CATSPER2: variants seen among roughly 807,000 people sequenced by gnomAD.
The protein encoded by CATSPER2 is cation channel sperm associated 2.
A neutral mutation model predicts 68.8 loss-of-function variants in CATSPER2; 56 were observed. The observed-to-expected ratio is 0.81, with a 90% confidence interval of 0.66 to 1.02. The LOEUF is 1.02. Among genes scored for constraint, CATSPER2 ranks in the 50% least tolerant of loss-of-function variants. CATSPER2 has a pLI of 0.00. For synonymous variants in CATSPER2, 198 were observed against 229.9 expected (o/e 0.86, Z 1.26); for missense variants, 582 against 642.0 (o/e 0.91, Z 1.01).
In CATSPER2 at chr15:43,636,105, G is replaced by C; in HGVS notation, c.957C>G (p.Ile319Met). The change falls in exon 8 of 13, where the codon ATC becomes ATG. Residue 319 changes from isoleucine to methionine, a missense_variant. This residue lies in a region of CATSPER2 where 235 missense variants were observed against 264.2 expected (regional missense o/e 0.89). Transcript: ENST00000396879. Reference protein sequence around the residue: ...VPEVSRIFSSIYFILWLLLGS... With the variant: ...VPEVSRIFSSMYFILWLLLGS... ...CAAGCAACAACCAAAGGATGAAATA[G>C]ATGCTGCTGAAGATGCGACTGACTT... The C allele has an allele frequency of 1.3e-6, 2 of 1,599,716 alleles. No individual in the cohort carries two copies. Among genetic ancestry groups the C allele is most frequent in the Non-Finnish European group, 1.7e-6 (2 of 1,169,122 alleles).
intron 4 of CATSPER2, among the ~76,000 whole-genome samples, chr15:43,640,858 T>C (rs1342058824): frequency 6.6e-6 from 1 of 151,658 alleles, no homozygotes; most frequent in Non-Finnish European, 1.5e-5. Context: ...AGTCCCAAAG[T>C]TCACAAGAAA....
At chr15:43,631,663 T>A (rs1246515508) in intron 12 of CATSPER2, 2 of 243,808 alleles carry the variant, frequency 8.2e-6, no homozygotes, top group African/African-American at 4.6e-5. Context: ...TATTTATCTT[T>A]ATAGAGGCTG....
At chr15:43,646,763 G>A (rs1358452747) in intron 4 of CATSPER2, among the ~76,000 whole-genome samples, 1 of 145,376 alleles carries the variant, frequency 6.9e-6, no homozygotes, top group East Asian at 2.0e-4. Context: ...CGCCCAGGCT[G>A]AAATGCAGTG....
rs1354288133 is a variant in CATSPER2, at chr15:43,638,286, C to CTTTCTTTTTTTTTTTTTTTTTTTT, written c.842+617_842+618insAAAAAAAAAAAAAAAAAAAAGAAA. On this transcript the variant is annotated intron_variant, in intron 7 of 12. Transcript: ENST00000396879. ...ATTTTTCTTTTCTTTTTCTTTCTTTCTTTTTTTTTTTTTTTTTTTTTGAGA... is the reference window on the plus strand; with the variant it reads ...ATTTTTCTTTTCTTTTTCTTTCTTTCTTTCTTTTTTTTTTTTTTTTTTTTTTTTTTTTTTTTTTTTTTTTTGAGA... 2.8e-4 allele frequency among the ~76,000 whole-genome samples: 23 copies of CTTTCTTTTTTTTTTTTTTTTTTTT among 81,834 alleles called. 3 individuals are homozygous for CTTTCTTTTTTTTTTTTTTTTTTTT. Among genetic ancestry groups the CTTTCTTTTTTTTTTTTTTTTTTTT allele is most frequent in the African/African-American group, 1.4e-3 (19 of 13,270 alleles). The allele number at this position is 81,834 out of a possible 152,430, so 53.7% of individuals were successfully genotyped here. A position where few individuals can be genotyped will look rare whatever the true frequency, so the allele number is the denominator to read the frequency against.
chr15:43,638,184 A>AC (rs1419236977), intron 7 of CATSPER2, among the ~76,000 whole-genome samples: 3 of 149,416 alleles, frequency 2.0e-5, no homozygotes, highest in African/African-American at 5.0e-5. Context: ...CGAACTCCTG[A>AC]CTCAGGTGAT....
intron 7 of CATSPER2, among the ~76,000 whole-genome samples, chr15:43,638,040 T>G (rs970950187): frequency 6.6e-6 from 1 of 151,402 alleles, no homozygotes; most frequent in African/African-American, 2.4e-5. Flanking sequence ...CTGCAATCTC[T>G]GCCTCCCAAG....
intron 1 of CATSPER2, 65 bp downstream of exon 1, chr15:43,648,564 G>A: frequency 7.6e-7 from 1 of 1,321,520 alleles, no homozygotes; most frequent in Non-Finnish European, 9.8e-7. Flanking sequence ...TCCCAAGTGT[G>A]TCCACTCCAA....
intron 5 of CATSPER2, 146 bp downstream of exon 5, chr15:43,640,178 G>A (rs2086047385): frequency 1.3e-6 from 2 of 1,553,824 alleles, no homozygotes; most frequent in South Asian, 1.2e-5. Flanking sequence ...TGCAATGATT[G>A]ATGTTTAGTT....
At chr15:43,647,198 C>G in intron 3 of CATSPER2, 80 bp from the exon 4 acceptor site, 1 of 1,561,398 alleles carries the variant, frequency 6.4e-7, no homozygotes, top group East Asian at 2.2e-5. Context: ...ATAACATAAG[C>G]AGTGAAAATG....
At chr15:43,648,104 G>A in intron 1 of CATSPER2, 41 bp from the exon 2 acceptor site, 1 of 1,605,392 alleles carries the variant, frequency 6.2e-7, no homozygotes, top group South Asian at 1.1e-5. Flanking sequence ...TTTCATTCTT[G>A]GAGCTGCACC....
intron 1 of CATSPER2, 138 bp downstream of exon 1, chr15:43,648,491 A>G: frequency 1.1e-6 from 1 of 882,878 alleles, no homozygotes; most frequent in East Asian, 3.2e-5. Flanking sequence ...CTCACGCAAG[A>G]GAAACCAAGT....
chr15:43,639,250 T>TA (rs201613421), intron 6 of CATSPER2, among the ~76,000 whole-genome samples: 4,106 of 142,840 alleles, frequency 0.029, 203 homozygotes, highest in African/African-American at 0.097. Context: ...CTTTCATATA[T>TA]TTTTTTTTTT....
chr15:43,643,596 C>A (rs1184679758), intron 4 of CATSPER2, among the ~76,000 whole-genome samples: 1 of 151,844 alleles, frequency 6.6e-6, no homozygotes, highest in Non-Finnish European at 1.5e-5. Flanking sequence ...CTAGGCCTCC[C>A]AAATTGCTGG....
chr15:43,630,582 T>C lies in CATSPER2; in HGVS notation c.*119A>G. ...ACGCCTGGCCTAGACACTTATACTT[T>C]TTAATTTTAATGAACAGACATTGTT... is the stretch of plus-strand genomic sequence containing the variant. On this transcript the variant is annotated 3_prime_UTR_variant, in exon 13 of 13. Transcript: ENST00000396879. The C allele has an allele frequency of 1.3e-6, 2 of 1,599,840 alleles. No homozygotes were observed. The highest frequency in any genetic ancestry group is 8.5e-7 in the Non-Finnish European group (1 of 1,172,520).
At position 43,643,346 on chromosome 15, in the gene CATSPER2, A is replaced by ATTTC. The variant is rs1028825244; in HGVS notation, c.389-2854_389-2851dup. Among the ~76,000 whole-genome samples, 133 of 151,768 alleles carry ATTTC rather than the reference A, an allele frequency of 8.8e-4. 2 individuals are homozygous for ATTTC. Among genetic ancestry groups the ATTTC allele is most frequent in the African/African-American group, 2.8e-3 (114 of 41,394 alleles). Reference sequence around the variant, plus strand: ...CAAGGAATACTGATGTTGAAACATAATTTCTTTCTTTTTTTTTTTGAGATG... The same window carrying ATTTC: ...CAAGGAATACTGATGTTGAAACATAATTTCTTTCTTTCTTTTTTTTTTTGAGATG... On this transcript the variant is annotated intron_variant, in intron 4 of 12. Transcript: ENST00000396879.
At chr15:43,641,986 C>A (rs1179192952) in intron 4 of CATSPER2, among the ~76,000 whole-genome samples, 1 of 152,052 alleles carries the variant, frequency 6.6e-6, no homozygotes, top group Admixed American at 6.5e-5. Context: ...GCATGAGCCA[C>A]TGCACCCAGC....
upstream of CATSPER2, chr15:43,648,848 C>T (rs1375025890): frequency 3.9e-6 from 6 of 1,526,818 alleles, no homozygotes; most frequent in South Asian, 3.6e-5. Flanking sequence ...GAGCAACGCT[C>T]GCCCAGCCAC....
intron 7 of CATSPER2, 82 bp downstream of exon 7, chr15:43,638,822 T>G: frequency 6.5e-7 from 1 of 1,536,670 alleles, no homozygotes; most frequent in East Asian, 2.3e-5. Flanking sequence ...CTGCACTTTT[T>G]ATATTACTAT....
Position 43,647,303 on chromosome 15 carries a change from C to G in CATSPER2, c.310G>C (p.Val104Leu), listed in dbSNP as rs1212235464. Residue 104 changes from valine (V) to leucine (L), a missense_variant, in exon 3 of 13, where the codon GTC (valine) becomes CTC (leucine). By Grantham distance (32) the Val-to-Leu change is conservative (BLOSUM62 1). Around this residue, in one of 5 missense-constraint regions of CATSPER2, gnomAD observed 197 missense variants for 191.0 expected, o/e 1.03. Transcript: ENST00000396879. ...TGACATGAAAGGATACACTCAAGGA[C>G]CCATCCGGCCCACAAAGAAAGAGGT... ...RPPLSLWAGW[V>L]LECPLFKNFI... 2 of 1,609,124 alleles carry G rather than the reference C, an allele frequency of 1.2e-6. No homozygotes were observed. The highest frequency in any genetic ancestry group is 2.7e-5 in the African/African-American group (2 of 74,720).
Sources: allele counts gnomAD v4.1 joint callset (sites outside exome capture counted in the v4.1 genomes callset), GRCh38; gene constraint gnomAD v4.1.1; regional missense constraint gnomAD v4.1.1; transcripts MANE v1.5; gene names NCBI Gene and HGNC (gene_info 2026-07-23, HGNC 2026-07-21).